Variants in VIPR2 observed in about 807,000 individuals in gnomAD.
VIPR2 encodes the protein vasoactive intestinal polypeptide receptor 2.
VIPR2 carries 48 observed loss-of-function variants against 58.0 expected under a neutral mutation model. That is an observed-to-expected ratio of 0.83 (90% confidence interval 0.66 to 1.05). VIPR2 has a LOEUF of 1.05. Among genes scored for constraint, VIPR2 ranks in the 50% least tolerant of loss-of-function variants. The probability of loss-of-function intolerance (pLI) is 0.00; values close to 1 mark genes in which losing one functional copy is unlikely to be tolerated. For synonymous variants in VIPR2, 243 were observed against 235.2 expected, an observed-to-expected ratio of 1.03 and a Z score of -0.30; for missense variants, 534 against 558.0, an observed-to-expected ratio of 0.96 and a Z score of 0.43.
chr7:159,046,068 C>T (rs1854632953), intron 5 of VIPR2, among the ~76,000 whole-genome samples: 1 of 151,718 alleles, frequency 6.6e-6, no homozygotes, highest in Non-Finnish European at 1.5e-5. Flanking sequence ...ATTAAGAAAA[C>T]AAAATAAAAA....
At chr7:159,124,016 C>T (rs1339522890) in intron 2 of VIPR2, among the ~76,000 whole-genome samples, 1 of 152,056 alleles carries the variant, frequency 6.6e-6, no homozygotes, top group African/African-American at 2.4e-5. Flanking sequence ...CTTGTAAATT[C>T]GTTTGAGTTC....
intron 1 of VIPR2, among the ~76,000 whole-genome samples, chr7:159,143,056 G>A (rs1563363710): frequency 1.3e-5 from 2 of 152,190 alleles, no homozygotes; most frequent in Non-Finnish European, 2.9e-5. Context: ...AATTTGGGGT[G>A]GAAGAGATAT....
In VIPR2 at chr7:159,098,425, C is replaced by G. The variant is rs1478251674; in HGVS notation, c.357+5332G>C. Among the ~76,000 whole-genome samples the G allele has an allele frequency of 2.0e-5, 3 of 152,190 alleles. No individual in the cohort carries two copies. The highest frequency in any genetic ancestry group is 4.4e-5 in the Non-Finnish European group (3 of 68,036). ...ACTCAGTGAAGACCTAAGACTCCCC[C>G]AGGCCTGAAAGCTGGTCTTGGCAGG... On this transcript the variant is annotated intron_variant, in intron 4 of 12. Transcript: ENST00000262178. The surrounding 1 kb of genome is among the most constrained non-coding windows in gnomAD (Gnocchi z 5.2).
At chr7:159,051,544 C>G (rs1448363959) in intron 5 of VIPR2, among the ~76,000 whole-genome samples, 1 of 152,108 alleles carries the variant, frequency 6.6e-6, no homozygotes, top group Admixed American at 6.5e-5. Flanking sequence ...TTAGAACTCA[C>G]AGTTGTCATA....
At chr7:159,062,313 G>C (rs1855731073) in intron 4 of VIPR2, among the ~76,000 whole-genome samples, 1 of 152,170 alleles carries the variant, frequency 6.6e-6, no homozygotes, top group Non-Finnish European at 1.5e-5. Flanking sequence ...GTAATTCGTG[G>C]GTTTTTGGTC....
intron 2 of VIPR2, among the ~76,000 whole-genome samples, chr7:159,133,796 TG>T (rs1797086846): frequency 6.6e-6 from 1 of 152,234 alleles, no homozygotes; most frequent in Non-Finnish European, 1.5e-5. Flanking sequence ...TTAAATATTT[TG>T]TGAGAAAAAA....
chr7:159,079,756 T>C (rs1433795045), intron 4 of VIPR2, among the ~76,000 whole-genome samples: 1 of 151,996 alleles, frequency 6.6e-6, no homozygotes, highest in Non-Finnish European at 1.5e-5. Flanking sequence ...AAGAATCAAA[T>C]AGACACAATA....
chr7:159,031,968 T>C lies in VIPR2; in HGVS notation c.1071A>G (p.Ile357Met), dbSNP rs1853619233. Residue 357 changes from isoleucine to methionine, a missense_variant, in exon 11 of 13, where the codon ATA (isoleucine) becomes ATG (methionine). Ile to Met is a conservative substitution (Grantham distance 10). Transcript: ENST00000262178. The surrounding 1 kb of genome is among the most constrained non-coding windows in gnomAD (Gnocchi z 4.0). ...FPISISSKYQ[I>M]LFELCLGSFQ... ...ACGACCCGAGGCACAGCTCAAACAG[T>C]ATCTGGTATTTGGAGGAGATGCTGA... 6.2e-7 allele frequency: 1 copy of C among 1,614,134 alleles called. No individual in the cohort carries two copies. Among genetic ancestry groups the C allele is most frequent in the Non-Finnish European group, 8.5e-7 (1 of 1,180,018 alleles).
intron 3 of VIPR2, among the ~76,000 whole-genome samples, chr7:159,106,730 G>GAGGCCGGGAAGGGGCAGAA (rs1795745973): frequency 6.7e-6 from 1 of 148,294 alleles, no homozygotes; most frequent in African/African-American, 2.5e-5. Flanking sequence ...AGGGCAGAGA[G>GAGGCCGGGAAGGGGCAGAA]AGGCCAGGGA....
chr7:159,068,294 C>G (rs979727288), intron 4 of VIPR2, among the ~76,000 whole-genome samples: 1 of 152,224 alleles, frequency 6.6e-6, no homozygotes. Context: ...CAGCCCCTCT[C>G]TTTTCACATG....
chr7:159,086,060 C>CAAGTTAAGTGTA (rs1857155383), intron 4 of VIPR2, among the ~76,000 whole-genome samples: 1 of 152,152 alleles, frequency 6.6e-6, no homozygotes, highest in Non-Finnish European at 1.5e-5. Context: ...ACAAGTGCAC[C>CAAGTTAAGTGTA]ACATTAACAA....
chr7:159,085,050 C>T (rs905744905), intron 4 of VIPR2, among the ~76,000 whole-genome samples: 1 of 152,186 alleles, frequency 6.6e-6, no homozygotes, highest in Non-Finnish European at 1.5e-5. Context: ...TTTCTTCTTT[C>T]AAGTTACTGG....
At position 159,096,863 on chromosome 7, in the gene VIPR2, A is replaced by T; in HGVS notation, c.357+6894T>A. 1 of 1,543,972 alleles carries T rather than the reference A, an allele frequency of 6.5e-7. No homozygotes were observed. Among genetic ancestry groups the T allele is most frequent in the South Asian group, 1.2e-5 (1 of 83,504 alleles). On this transcript the variant is annotated intron_variant, in intron 4 of 12. Transcript: ENST00000262178. The surrounding 1 kb of genome is among the most constrained non-coding windows in gnomAD (Gnocchi z 5.5). ...GGGATGCTTCCGCCGTACTGTGTCC[A>T]TGGCTGAGACCACCCTCTCTGTGGC...
Position 159,032,126 on chromosome 7 carries a change from G to C in VIPR2, c.972-59C>G, listed in dbSNP as rs923738853. 7.5e-6 allele frequency: 12 copies of C among 1,601,952 alleles called. No homozygotes were observed. In the African/African-American group the frequency reaches 1.5e-4, roughly 20 times the overall value. On this transcript the variant is annotated intron_variant, in intron 10 of 12. Coordinates refer to ENST00000262178, the MANE Select transcript of VIPR2 (RefSeq NM_003382.5). Reference sequence around the variant, plus strand: ...GGACCCTCGGACCCTCTGCAAGCCTGGCTGGGTCCTTCTCAGGAGGGGGCA... The same window carrying C: ...GGACCCTCGGACCCTCTGCAAGCCTCGCTGGGTCCTTCTCAGGAGGGGGCA...
chr7:159,033,106 A>G (rs1441806318), intron 10 of VIPR2, among the ~76,000 whole-genome samples: 1 of 152,200 alleles, frequency 6.6e-6, no homozygotes, highest in African/African-American at 2.4e-5. Context: ...TCCGGCAAAT[A>G]TAGACTGCAT....
At chr7:159,042,054 C>G (rs539284729) in intron 6 of VIPR2, among the ~76,000 whole-genome samples, 2 of 152,228 alleles carry the variant, frequency 1.3e-5, no homozygotes, top group South Asian at 4.2e-4. Context: ...CAGCTTATCC[C>G]CAGAGGCACA....
chr7:159,134,692 C>G (rs1320834667), intron 2 of VIPR2, among the ~76,000 whole-genome samples: 1 of 151,332 alleles, frequency 6.6e-6, no homozygotes, highest in African/African-American at 2.4e-5. Flanking sequence ...GAGTCTTGCT[C>G]TGTCACCCAG....
chr7:159,096,940 G>A lies in VIPR2; in HGVS notation c.357+6817C>T. On this transcript the variant is annotated intron_variant, in intron 4 of 12. Coordinates refer to ENST00000262178, the MANE Select transcript of VIPR2 (RefSeq NM_003382.5). The surrounding 1 kb of genome is among the most constrained non-coding windows in gnomAD (Gnocchi z 5.5). The stretch of plus-strand genomic sequence containing the variant: ...TCGATGAGCCAATGCCCTCGTGGCT[G>A]GCATTGAGCTTGGCACCTGCTGGGC... 6.4e-7 allele frequency: 1 copy of A among 1,550,670 alleles called. No individual in the cohort carries two copies. Among genetic ancestry groups the A allele is most frequent in the East Asian group, 2.4e-5 (1 of 40,924 alleles).
chr7:159,112,658 G>T (rs554604323), intron 2 of VIPR2, among the ~76,000 whole-genome samples: 1 of 138,262 alleles, frequency 7.2e-6, no homozygotes, highest in African/African-American at 3.0e-5. Context: ...CCGGCCGAGA[G>T]CCCCGACTGT....
Sources: allele counts gnomAD v4.1 joint callset (sites outside exome capture counted in the v4.1 genomes callset), GRCh38; gene constraint gnomAD v4.1.1; non-coding constraint Gnocchi (gnomAD v3.1); transcripts MANE v1.5; gene names NCBI Gene and HGNC (gene_info 2026-07-23, HGNC 2026-07-21).